Variants in DGKK observed in about 807,000 individuals in gnomAD.
The protein encoded by DGKK is 142 kDa diacylglycerol kinase.
In DGKK, 35 loss-of-function variants were observed where a neutral mutation model predicts 92.2. That is an observed-to-expected ratio of 0.38 (90% CI 0.29 to 0.50). The LOEUF is 0.50. DGKK is among the 20% of genes least tolerant of loss of function. The pLI is 0.92. For synonymous variants in DGKK, 368 were observed against 360.6 expected (o/e 1.02, Z -0.23); for missense variants, 910 against 992.2 (o/e 0.92, Z 1.11).
chrX:50,394,305 T>C, intron 8 of DGKK, among the ~76,000 whole-genome samples: 1 of 111,475 alleles, frequency 9.0e-6, no homozygotes, highest in Non-Finnish European at 1.9e-5. Flanking sequence ...CTGAAGGAAA[T>C]CTACTTGAGC....
Position 50,442,490 on chromosome X carries a change from C to T in DGKK, c.646-18132G>A, listed in dbSNP as rs148451629. ...GAAGAAACAACACTATTTCAGGACACGGTCACCAAAAAACAAAATGTGTGA... is the reference window on the plus strand; with the variant it reads ...GAAGAAACAACACTATTTCAGGACATGGTCACCAAAAAACAAAATGTGTGA... On this transcript the variant is annotated intron_variant, in intron 1 of 27. Transcript: ENST00000611977. 7.8e-3 allele frequency among the ~76,000 whole-genome samples: 860 copies of T among 110,751 alleles called. 8 individuals carry two copies. Among genetic ancestry groups the T allele is most frequent in the Middle Eastern group, 0.023 (5 of 214 alleles).
At chrX:50,467,379 T>G (rs1488013703) in intron 1 of DGKK, among the ~76,000 whole-genome samples, 1 of 112,779 alleles carries the variant, frequency 8.9e-6, no homozygotes, top group Non-Finnish European at 1.9e-5. Flanking sequence ...AGATGTTGGT[T>G]TTTTGCTACA....
intron 1 of DGKK, among the ~76,000 whole-genome samples, chrX:50,449,360 C>T (rs1444565900): frequency 9.0e-6 from 1 of 111,710 alleles, no homozygotes; most frequent in Non-Finnish European, 1.9e-5. Context: ...TCATCAATAG[C>T]CATCCCACAG....
At chrX:50,467,974 A>T (rs1557234126) in intron 1 of DGKK, among the ~76,000 whole-genome samples, 3 of 112,032 alleles carry the variant, frequency 2.7e-5, no homozygotes, top group African/African-American at 9.7e-5. Context: ...TCTACAGATA[A>T]GTGATTCAAC....
At chrX:50,420,089 G>T (rs781812161) in intron 4 of DGKK, among the ~76,000 whole-genome samples, 109 of 111,378 alleles carry the variant, frequency 9.8e-4, no homozygotes, top group African/African-American at 3.4e-3. Flanking sequence ...TGCTGATTCC[G>T]GTTTTCCTAA....
rs1924575825 is a variant in DGKK, at chrX:50,387,462, A to G, written c.2118+92T>C. 4 of 680,955 alleles carry G rather than the reference A, an allele frequency of 5.9e-6. No homozygotes were observed. The South Asian group carries it at 1.0e-4, about 17-fold the overall frequency. 56.1% of individuals were successfully genotyped at this position (680,955 alleles called of 1,213,427 possible). On this transcript the variant is annotated intron_variant, in intron 14 of 27. Transcript: ENST00000611977. ...AGCTGCCCCTCCTTTCCTTTCTTTT[A>G]CCATTCCCAGTGAGAGGCATGTTTG...
intron 1 of DGKK, among the ~76,000 whole-genome samples, chrX:50,464,401 G>C (rs1926842435): frequency 9.2e-6 from 1 of 109,200 alleles, no homozygotes; most frequent in Admixed American, 9.8e-5. Context: ...CCTGCTTCTT[G>C]GAATTAAAAA....
Position 50,376,104 on chromosome X carries a change from T to C in DGKK, c.3334A>G (p.Ser1112Gly). Residue 1112 changes from serine (S) to glycine (G), a missense_variant, in exon 24 of 28, where the codon AGC becomes GGC. By Grantham distance (56) the Ser-to-Gly change is moderately conservative. Transcript: ENST00000611977. ...VSVLMGSVNA[S>G]ANILNDIFYG... ...AATATATCATTCAGGATGTTAGCGC[T>C]GGCATTCACAGAACCCATGAGGACA... 8.3e-7 allele frequency: 1 copy of C among 1,211,211 alleles called. No homozygotes were observed. The highest frequency in any genetic ancestry group is 1.1e-6 in the Non-Finnish European group (1 of 895,047).
chrX:50,431,688 A>G (rs919138961), intron 1 of DGKK, among the ~76,000 whole-genome samples: 11 of 110,801 alleles, frequency 9.9e-5, no homozygotes, highest in African/African-American at 1.6e-4. Flanking sequence ...GTTTCCTAAC[A>G]CTCGCTTGCC....
At position 50,365,534 on chromosome X, in the gene DGKK, C is replaced by G. The variant is rs1402398659; in HGVS notation, c.*3406G>C. Reference sequence around the variant, plus strand: ...GTGGATCTTTTTTTTCTGCTTTTTCCTGTTACCATGTAAATACCCCAGCTT... The same window carrying G: ...GTGGATCTTTTTTTTCTGCTTTTTCGTGTTACCATGTAAATACCCCAGCTT... On this transcript the variant is annotated 3_prime_UTR_variant, in exon 28 of 28. Transcript: ENST00000611977. 1 of 111,027 alleles carries G rather than the reference C, an allele frequency of 9.0e-6. No individual in the cohort carries two copies. The highest frequency in any genetic ancestry group is 1.9e-5 in the Non-Finnish European group (1 of 52,989). The allele number at this position is 111,027 out of a possible 1,213,427, so 9.1% of individuals were successfully genotyped here.
At position 50,371,801 on chromosome X, in the gene DGKK, T is replaced by C. The variant is rs1411038079; in HGVS notation, c.3535A>G (p.Ser1179Gly). 2 of 1,204,298 alleles carry C rather than the reference T, an allele frequency of 1.7e-6. No homozygotes were observed. The highest frequency in any genetic ancestry group is 3.5e-5 in the African/African-American group (2 of 57,029). The change falls in exon 26 of 28, where the codon AGC (serine) becomes GGC (glycine). Residue 1179 changes from serine (S) to glycine (G), a missense_variant. Ser to Gly is a moderately conservative substitution (Grantham distance 56). Transcript: ENST00000611977. ...TCCTTATTCATGGCATCCAGGGCGC[T>C]TTGTAGTGCAGTCTCATCCTCAGCA... ...RSAEDETALQSALDAMNKEFK... is the reference protein window; with the variant it reads ...RSAEDETALQGALDAMNKEFK...
intron 4 of DGKK, among the ~76,000 whole-genome samples, chrX:50,408,124 AG>A (rs1303231685): frequency 8.9e-6 from 1 of 112,338 alleles, no homozygotes; most frequent in Non-Finnish European, 1.9e-5. Flanking sequence ...TGTGGGCCCA[AG>A]GGGCAGAGGC....
chrX:50,384,147 G>A (rs1924479487), intron 17 of DGKK, 21 bp downstream of exon 17: 1 of 1,009,521 alleles, frequency 9.9e-7, no homozygotes, highest in Non-Finnish European at 1.4e-6. Context: ...CCATTAAAAG[G>A]TGATAGAGTT....
chrX:50,447,418 ATATATATATT>A lies in DGKK; in HGVS notation c.645+22606_645+22615del, dbSNP rs1569545087. ...TATTATATATATATATAATATATAT[ATATATATATT>A]ATATATATATTTCACAGAAGTTGAG... On this transcript the variant is annotated intron_variant, in intron 1 of 27. Coordinates refer to ENST00000611977, the MANE Select transcript of DGKK (RefSeq NM_001013742.4). Among the ~76,000 whole-genome samples, 161 of 16,285 alleles carry A rather than the reference ATATATATATT, an allele frequency of 9.9e-3. 22 individuals are homozygous for A. In the African/African-American group the frequency reaches 0.11, roughly 11 times the overall value. The allele number at this position is 16,285 out of a possible 115,157, so 14.1% of individuals were successfully genotyped here.
intron 1 of DGKK, among the ~76,000 whole-genome samples, chrX:50,454,221 T>C (rs782517758): frequency 9.0e-6 from 1 of 111,324 alleles, no homozygotes; most frequent in South Asian, 3.8e-4. Flanking sequence ...CTCTTGTGGC[T>C]ATATTCATTT....
intron 4 of DGKK, among the ~76,000 whole-genome samples, chrX:50,404,965 T>A (rs1361131648): frequency 3.6e-5 from 4 of 111,383 alleles, no homozygotes; most frequent in African/African-American, 1.3e-4. Context: ...CTTTTAGGAA[T>A]CCCTTGAGTA....
At chrX:50,370,365 G>A (rs1924088510) in intron 27 of DGKK, 61 bp downstream of exon 27, 2 of 1,140,162 alleles carry the variant, frequency 1.8e-6, no homozygotes, top group African/African-American at 3.6e-5. Context: ...CAGGTCCCTG[G>A]GAGGTAGCCA....
intron 4 of DGKK, among the ~76,000 whole-genome samples, chrX:50,408,493 C>T (rs1316192937): frequency 1.8e-5 from 2 of 111,585 alleles, no homozygotes; most frequent in South Asian, 3.8e-4. Context: ...ATTCTCCTGC[C>T]TCAGCCTCCC....
At chrX:50,401,620 G>A (rs1557226645) in intron 7 of DGKK, among the ~76,000 whole-genome samples, 2 of 111,337 alleles carry the variant, frequency 1.8e-5, no homozygotes, top group Non-Finnish European at 3.8e-5. Flanking sequence ...GGAAGTGACA[G>A]CTGAGACTCT....
Sources: gnomAD v4.1 joint callset for allele counts (sites outside exome capture counted in the v4.1 genomes callset) on GRCh38, gnomAD v4.1.1 for gene constraint, MANE v1.5 for transcripts, NCBI Gene and HGNC (gene_info 2026-07-23, HGNC 2026-07-21) for gene names.